IQSEC3: variants seen among roughly 807,000 people sequenced by gnomAD.
The protein encoded by IQSEC3 is IQ motif and SEC7 domain-containing protein 3.
Under a neutral mutation model 105.4 loss-of-function variants are expected in IQSEC3, and 50 were observed. That is an observed-to-expected ratio of 0.47 (90% CI 0.38 to 0.60). The LOEUF (loss-of-function observed/expected upper bound fraction) is 0.60. IQSEC3 is among the 20% of genes least tolerant of loss of function. The pLI, the probability that IQSEC3 is intolerant of heterozygous loss-of-function variation, is 0.00. For missense variants in IQSEC3, 1,415 were observed against 1,630.0 expected (o/e 0.87, Z 2.27); for synonymous variants, 708 against 746.0 (o/e 0.95, Z 0.83).
chr12:157,671 A>G lies in IQSEC3; in HGVS notation c.2420A>G (p.Glu807Gly). The change falls in exon 7 of 14, where the codon GAG becomes GGG. Residue 807 changes from glutamate (E) to glycine (G), a missense_variant. Transcript: ENST00000538872. Reference protein sequence around the residue: ...NIKPDRKMMLEDFIRNLRGVD... With the variant: ...NIKPDRKMMLGDFIRNLRGVD... ...AAGCCTGACCGGAAGATGATGCTGGAGGACTTCATCCGAAACCTTCGAGGT... is the reference window on the plus strand; with the variant it reads ...AAGCCTGACCGGAAGATGATGCTGGGGGACTTCATCCGAAACCTTCGAGGT... The G allele has an allele frequency of 6.2e-7, 1 of 1,613,786 alleles. No homozygotes were observed. Among genetic ancestry groups the G allele is most frequent in the Admixed American group, 1.7e-5 (1 of 60,002 alleles).
intron 2 of IQSEC3, among the ~76,000 whole-genome samples, chr12:122,737 C>T (rs946679704): frequency 6.6e-6 from 1 of 152,162 alleles, no homozygotes; most frequent in African/African-American, 2.4e-5. Flanking sequence ...GCAACAACCC[C>T]GTTGTCATTG....
At chr12:137,935 A>AC (rs1198834860) in intron 3 of IQSEC3, among the ~76,000 whole-genome samples, 1 of 151,766 alleles carries the variant, frequency 6.6e-6, no homozygotes, top group East Asian at 1.9e-4. Flanking sequence ...AGATGCTAGG[A>AC]CTGCAGGCCT....
chr12:164,825 G>T (rs1867091243), intron 9 of IQSEC3: 1 of 152,472 alleles, frequency 6.6e-6, no homozygotes, highest in African/African-American at 2.4e-5. Flanking sequence ...TTTAGTAGGG[G>T]AGGGAGATAG....
At chr12:122,754 T>G (rs1297472436) in intron 2 of IQSEC3, among the ~76,000 whole-genome samples, 1 of 152,150 alleles carries the variant, frequency 6.6e-6, no homozygotes, top group Non-Finnish European at 1.5e-5. Flanking sequence ...ATTGGCCGAG[T>G]GCTGCCATCA....
At chr12:168,411 C>T (rs1194173869) in intron 11 of IQSEC3, among the ~76,000 whole-genome samples, 1 of 152,118 alleles carries the variant, frequency 6.6e-6, no homozygotes, top group African/African-American at 2.4e-5. Flanking sequence ...CAGGCAGGCT[C>T]CGTCCTCCCA....
chr12:146,613 T>C (rs1555091134), intron 5 of IQSEC3, among the ~76,000 whole-genome samples: 1 of 151,550 alleles, frequency 6.6e-6, no homozygotes, highest in Non-Finnish European at 1.5e-5. Context: ...GCCACTGCAC[T>C]CTAGCCTGGA....
chr12:171,409 C>T, intron 13 of IQSEC3: 1 of 1,265,568 alleles, frequency 7.9e-7, no homozygotes, highest in South Asian at 1.3e-5. Flanking sequence ...AGGCCGAGCT[C>T]CCAGACTAAC....
At chr12:69,205 T>G (rs1405021779) in intron 1 of IQSEC3, among the ~76,000 whole-genome samples, 2 of 152,370 alleles carry the variant, frequency 1.3e-5, no homozygotes, top group East Asian at 3.9e-4. Flanking sequence ...CCACTGCAAC[T>G]CCACTTTCTT....
In IQSEC3 at chr12:101,175, C is replaced by T. The variant is rs576520810; in HGVS notation, c.623+1961C>T. Among the ~76,000 whole-genome samples the T allele has an allele frequency of 5.9e-5, 9 of 152,314 alleles. No individual in the cohort carries two copies. The South Asian group carries it at 1.9e-3, about 32-fold the overall frequency. Reference sequence around the variant, plus strand: ...TGTGGTCTCTCCTCCCATCCACTCTCAGCCTGCAAGCTCGCTCACACACCA... The same window carrying T: ...TGTGGTCTCTCCTCCCATCCACTCTTAGCCTGCAAGCTCGCTCACACACCA... On this transcript the variant is annotated intron_variant, in intron 2 of 13. Coordinates refer to ENST00000538872, the MANE Select transcript of IQSEC3 (RefSeq NM_001170738.2).
At position 67,017 on chromosome 12, in the gene IQSEC3, G is replaced by C. The variant is rs1192612295; in HGVS notation, c.135G>C (p.Glu45Asp). The part of the protein sequence containing the change: ...RIDELERRLD[E>D]LSAENRSLWE... ...ACGAGCTGGAGCGGCGGCTGGACGA[G>C]CTGAGCGCTGAGAACCGCAGCCTGT... Residue 45 changes from glutamate to aspartate, a missense_variant, in exon 1 of 14, where the codon GAG becomes GAC. Glu to Asp is a conservative substitution (Grantham distance 45). Coordinates refer to ENST00000538872, the MANE Select transcript of IQSEC3 (RefSeq NM_001170738.2). 6.5e-7 allele frequency: 1 copy of C among 1,532,090 alleles called. No individual in the cohort carries two copies. Among genetic ancestry groups the C allele is most frequent in the Non-Finnish European group, 8.7e-7 (1 of 1,145,372 alleles). 94.9% of individuals were successfully genotyped at this position (1,532,090 alleles called of 1,614,324 possible).
intron 11 of IQSEC3, 34 bp from the exon 12 acceptor site, chr12:168,974 TTAAGG>T (rs1323223976): frequency 3.1e-5 from 49 of 1,568,266 alleles, no homozygotes; most frequent in Non-Finnish European, 4.2e-5. Flanking sequence ...GTGGTTGAGG[TTAAGG>T]TTTCTCTTGC....
In IQSEC3 at chr12:152,600, G is replaced by A. The variant is rs1400660421; in HGVS notation, c.2154-4425G>A. Among the ~76,000 whole-genome samples the A allele has an allele frequency of 6.6e-6, 1 of 152,212 alleles. No individual in the cohort carries two copies. Among genetic ancestry groups the A allele is most frequent in the South Asian group, 2.1e-4 (1 of 4,830 alleles). ...GGTTCATATTGCACAAGCTTGAGAA[G>A]ATGAGGTCATTGCACACATAGTGAA... On this transcript the variant is annotated intron_variant, in intron 5 of 13. Coordinates refer to ENST00000538872, the MANE Select transcript of IQSEC3 (RefSeq NM_001170738.2). This position sits in a 1 kb window ranked among gnomAD's most constrained non-coding sequence, Gnocchi z 4.8.
At chr12:167,515 G>C (rs1373608312) in intron 11 of IQSEC3, 3 of 151,898 alleles carry the variant, frequency 2.0e-5, no homozygotes, top group Non-Finnish European at 2.9e-5. Context: ...GAGAGAAAGG[G>C]AAGGAACAGC....
chr12:155,023 G>T (rs952975295), intron 5 of IQSEC3, among the ~76,000 whole-genome samples: 1 of 152,120 alleles, frequency 6.6e-6, no homozygotes, highest in African/African-American at 2.4e-5. Flanking sequence ...ACAGCCTCTT[G>T]GTCACCAGCC....
chr12:168,950 T>G, intron 11 of IQSEC3, 63 bp from the exon 12 acceptor site: 1 of 1,389,482 alleles, frequency 7.2e-7, no homozygotes, highest in Non-Finnish European at 1.0e-6. Context: ...CCTCATTTCC[T>G]GCCTCGCCTC....
At chr12:92,864 C>T (rs1375301023) in intron 1 of IQSEC3, among the ~76,000 whole-genome samples, 5 of 152,208 alleles carry the variant, frequency 3.3e-5, no homozygotes, top group Non-Finnish European at 5.9e-5. Context: ...ATTGAGGAGA[C>T]ATTTTCTGCC....
At chr12:113,872 G>T (rs782085530) in intron 2 of IQSEC3, among the ~76,000 whole-genome samples, 1 of 152,194 alleles carries the variant, frequency 6.6e-6, no homozygotes, top group African/African-American at 2.4e-5. Flanking sequence ...CGAGGAAGTG[G>T]CAAAGGAGTT....
intron 2 of IQSEC3, among the ~76,000 whole-genome samples, chr12:101,579 G>T (rs1329291478): frequency 6.6e-6 from 1 of 152,230 alleles, no homozygotes; most frequent in South Asian, 2.1e-4. Flanking sequence ...CCTCCCCCTG[G>T]CTGGGGACAG....
intron 1 of IQSEC3, among the ~76,000 whole-genome samples, chr12:95,223 T>A (rs1225030270): frequency 6.6e-6 from 1 of 152,214 alleles, no homozygotes; most frequent in African/African-American, 2.4e-5. Flanking sequence ...ACTTCTCCAC[T>A]CAGCCTCAGT....
Sources: allele counts gnomAD v4.1 joint callset (sites outside exome capture counted in the v4.1 genomes callset), GRCh38; gene constraint gnomAD v4.1.1; non-coding constraint Gnocchi (gnomAD v3.1); transcripts MANE v1.5; gene names NCBI Gene and HGNC (gene_info 2026-07-23, HGNC 2026-07-21).